The following CASKIN1 variants were observed in gnomAD, a reference collection of about 807,000 sequenced individuals.
CASKIN1 encodes CASK interacting protein 1, also known as caskin-1.
CASKIN1 carries 42 observed loss-of-function variants against 117.5 expected under a neutral mutation model. That is an observed-to-expected ratio of 0.36 (90% confidence interval 0.28 to 0.46). CASKIN1 has a LOEUF of 0.46. Among genes scored for constraint, CASKIN1 ranks in the 20% least tolerant of loss-of-function variants. The probability of loss-of-function intolerance (pLI) is 1.00; values close to 1 mark genes in which losing one functional copy is unlikely to be tolerated. For missense variants in CASKIN1, 2,083 were observed against 2,077.3 expected, an observed-to-expected ratio of 1.00 and a Z score of -0.05; for synonymous variants, 1,148 against 961.7, an observed-to-expected ratio of 1.19 and a Z score of -3.59.
In CASKIN1 at chr16:2,177,184, TTTC is replaced by T; in HGVS notation, c.*1363_*1365del. 4.1e-6 allele frequency: 1 copy of T among 244,904 alleles called. No individual in the cohort carries two copies. The highest frequency in any genetic ancestry group is 8.1e-6 in the Non-Finnish European group (1 of 123,628). 15.2% of individuals were successfully genotyped at this position (244,904 alleles called of 1,614,324 possible). A position where few individuals can be genotyped will look rare whatever the true frequency, so the allele number is the denominator to read the frequency against. On this transcript the variant is annotated 3_prime_UTR_variant, in exon 20 of 20. Transcript: ENST00000343516. ...CCAAAAAGTGAGCCAGGCACCTCTGTTTCCTGCTGTTTATTGACAGCCGACGGC... is the reference window on the plus strand; with the variant it reads ...CCAAAAAGTGAGCCAGGCACCTCTGTCTGCTGTTTATTGACAGCCGACGGC...
Position 2,179,917 on chromosome 16 carries a change from T to C in CASKIN1, c.3451A>G (p.Arg1151Gly). 1 of 1,605,546 alleles carries C rather than the reference T, an allele frequency of 6.2e-7. No homozygotes were observed. Among genetic ancestry groups the C allele is most frequent in the Non-Finnish European group, 8.5e-7 (1 of 1,176,554 alleles). Reference sequence around the variant, plus strand: ...GCCTCCCGCTCCTTGGCCTTGGGCCTGCGCTTGACCGTGTCAGACTCGGTC... The same window carrying C: ...GCCTCCCGCTCCTTGGCCTTGGGCCCGCGCTTGACCGTGTCAGACTCGGTC... ...ILTESDTVKRRPKAKEREAGP... is the reference protein window; with the variant it reads ...ILTESDTVKRGPKAKEREAGP... The change falls in exon 18 of 20, where the codon AGG becomes GGG. Residue 1151 changes from arginine to glycine, a missense_variant. Transcript: ENST00000343516. The surrounding 1 kb of genome is among the most constrained non-coding windows in gnomAD (Gnocchi z 5.8).
intron 1 of CASKIN1, among the ~76,000 whole-genome samples, chr16:2,193,931 C>T (rs560729386): frequency 6.1e-4 from 93 of 152,264 alleles, no homozygotes; most frequent in Non-Finnish European, 1.1e-3. Flanking sequence ...GAAACGGGTT[C>T]TCTGGATGAA....
chr16:2,180,429 C>T lies in CASKIN1; in HGVS notation c.2939G>A (p.Arg980Gln), dbSNP rs767065388. The change falls in exon 18 of 20, where the codon CGG becomes CAG. Residue 980 changes from arginine (R) to glutamine (Q), a missense_variant. Arg to Gln is a conservative substitution (Grantham distance 43). Transcript: ENST00000343516. ...AEPEDGLLGV[R>Q]AQCRRASDLA... ...GTCACTGGCCCGCCGGCACTGTGCC[C>T]GGACCCCCAGCAGGCCATCCTCAGG... is the stretch of plus-strand genomic sequence containing the variant. The T allele has an allele frequency of 3.3e-5, 52 of 1,568,006 alleles. No individual in the cohort carries two copies. The highest frequency in any genetic ancestry group is 1.7e-4 in the Middle Eastern group (1 of 5,980).
chr16:2,180,506 G>A lies in CASKIN1; in HGVS notation c.2862C>T (p.Ser954=). 2 of 1,550,658 alleles carry A rather than the reference G, an allele frequency of 1.3e-6. No homozygotes were observed. The highest frequency in any genetic ancestry group is 1.2e-5 in the South Asian group (1 of 85,484). ...GPPPPPPKRS[S]SALASANLAD... Reference sequence around the variant, plus strand: ...CCAGGTTGGCACTAGCCAGGGCCGAGCTGGAGCGCTTGGGTGGGGGCGGCG... The same window carrying A: ...CCAGGTTGGCACTAGCCAGGGCCGAACTGGAGCGCTTGGGTGGGGGCGGCG... The change falls in exon 18 of 20, where the codon AGC becomes AGT. Residue 954 remains serine (S), a synonymous_variant. Transcript: ENST00000343516.
At chr16:2,183,470 C>T (rs1324613988) in intron 16 of CASKIN1, among the ~76,000 whole-genome samples, 176 bp downstream of exon 16, 1 of 152,184 alleles carries the variant, frequency 6.6e-6, no homozygotes, top group Non-Finnish European at 1.5e-5. Context: ...CTTGCCCCTG[C>T]CCCAGTGACA....
At chr16:2,189,361 G>C in intron 4 of CASKIN1, 28 bp from the exon 5 acceptor site, 2 of 1,611,928 alleles carry the variant, frequency 1.2e-6, no homozygotes, top group Middle Eastern at 3.3e-4. Flanking sequence ...AGTCAGGTCC[G>C]CACATCCTCA....
In CASKIN1 at chr16:2,190,290, C is replaced by G. The variant is rs750911061; in HGVS notation, c.146+17G>C. The G allele has an allele frequency of 1.3e-6, 2 of 1,576,694 alleles. No homozygotes were observed. Among genetic ancestry groups the G allele is most frequent in the South Asian group, 2.3e-5 (2 of 87,108 alleles). On this transcript the variant is annotated intron_variant, in intron 2 of 19. Coordinates refer to ENST00000343516, the MANE Select transcript of CASKIN1 (RefSeq NM_020764.4). ...CACCCTCCCTTCCAGGCAGGCACCACCCGGCTCAGAACTCACCCATCCGGG... is the reference window on the plus strand; with the variant it reads ...CACCCTCCCTTCCAGGCAGGCACCAGCCGGCTCAGAACTCACCCATCCGGG...
chr16:2,190,035 C>CCCCCCA, intron 3 of CASKIN1, 38 bp downstream of exon 3: 1 of 1,561,986 alleles, frequency 6.4e-7, no homozygotes, highest in Non-Finnish European at 8.8e-7. Context: ...TCGCTGCCCC[C>CCCCCCA]GCCCCTGCCC....
In CASKIN1 at chr16:2,179,155, C is replaced by T. The variant is rs1376689037; in HGVS notation, c.3946G>A (p.Gly1316Ser). 9 of 1,078,492 alleles carry T rather than the reference C, an allele frequency of 8.3e-6. No homozygotes were observed. The African/African-American group carries it at 1.5e-4, about 18-fold the overall frequency. 66.8% of individuals were successfully genotyped at this position (1,078,492 alleles called of 1,614,324 possible). A position where few individuals can be genotyped will look rare whatever the true frequency, so the allele number is the denominator to read the frequency against. ...QPPAALAKPP[G>S]TPPSLGASPA... ...CTGGCGCCCAGCGAGGGCGGCGTAC[C>T]GGGCGGCTTGGCGAGGGCGGCGGGC... The change falls in exon 19 of 20, where the codon GGT (glycine) becomes AGT (serine). Residue 1316 changes from glycine (G) to serine (S), a missense_variant. Physicochemically the swap from Gly to Ser is moderately conservative, Grantham distance 56 (BLOSUM62 0). Coordinates refer to ENST00000343516, the MANE Select transcript of CASKIN1 (RefSeq NM_020764.4). This position sits in a 1 kb window ranked among gnomAD's most constrained non-coding sequence, Gnocchi z 5.8.
chr16:2,183,602 T>TCTGC, intron 16 of CASKIN1, 44 bp downstream of exon 16: 1 of 1,587,146 alleles, frequency 6.3e-7, no homozygotes, highest in Non-Finnish European at 8.6e-7. Flanking sequence ...TGTCTGTCTG[T>TCTGC]CTGCCCGTCC....
chr16:2,188,812 G>A (rs887881197), intron 6 of CASKIN1: 2 of 612,470 alleles, frequency 3.3e-6, no homozygotes, highest in African/African-American at 3.7e-5. Context: ...AGGAGCGGTG[G>A]GGCTGGGACA....
rs760908481 is a variant in CASKIN1, at chr16:2,178,903, G to A, written c.4198C>T (p.Arg1400Cys). 5.1e-5 allele frequency: 75 copies of A among 1,463,020 alleles called. No individual in the cohort carries two copies. Among genetic ancestry groups the A allele is most frequent in the Non-Finnish European group, 6.3e-5 (70 of 1,116,722 alleles). The allele number at this position is 1,463,020 out of a possible 1,614,324, so 90.6% of individuals were successfully genotyped here. The change falls in exon 19 of 20, where the codon CGC becomes TGC. Residue 1400 changes from arginine (R) to cysteine (C), a missense_variant and splice_region_variant. By Grantham distance (180) the Arg-to-Cys change is radical. Around this residue, in one of 3 missense-constraint regions of CASKIN1, gnomAD observed 1,818 missense variants for 1,688.9 expected, o/e 1.08. Coordinates refer to ENST00000343516, the MANE Select transcript of CASKIN1 (RefSeq NM_020764.4). Reference protein sequence around the residue: ...KIRQEDAQGPRDSAAEKSTGS... With the variant: ...KIRQEDAQGPCDSAAEKSTGS... ...CGCCAGGCCCCGCCCCGCACCTACC[G>A]CGGGCCCTGCGCGTCCTCCTGCCGG...
rs1279250898 is a variant in CASKIN1 at position 2,178,820 on chromosome 16, CGAGCCCCGCCCA to C, written c.4199+70_4199+81del. 5 of 1,332,344 alleles carry C rather than the reference CGAGCCCCGCCCA, an allele frequency of 3.8e-6. No homozygotes were observed. In the African/African-American group the frequency reaches 8.4e-5, roughly 22 times the overall value. The allele number at this position is 1,332,344 out of a possible 1,614,324, so 82.5% of individuals were successfully genotyped here. On this transcript the variant is annotated intron_variant, in intron 19 of 19. Transcript: ENST00000343516. Reference sequence around the variant, plus strand: ...TCTGCCGAGCCCCGCCCATCTCTGCCGAGCCCCGCCCATCTCTGCCGAGCCCCGCCCATCTCT... The same window carrying C: ...TCTGCCGAGCCCCGCCCATCTCTGCCTCTCTGCCGAGCCCCGCCCATCTCT...
At chr16:2,189,665 C>CCCCAGGGTTGGACT in intron 3 of CASKIN1, 101 bp from the exon 4 acceptor site, 1 of 1,212,286 alleles carries the variant, frequency 8.2e-7, no homozygotes, top group Non-Finnish European at 1.1e-6. Flanking sequence ...AAGTCCAACC[C>CCCCAGGGTTGGACT]TGGGGGGTGG....
intron 1 of CASKIN1, among the ~76,000 whole-genome samples, chr16:2,191,573 G>A (rs748379560): frequency 6.6e-5 from 10 of 152,182 alleles, no homozygotes; most frequent in African/African-American, 1.2e-4. Flanking sequence ...GGTGCATGGC[G>A]ATTACTAATA....
In CASKIN1 at chr16:2,196,228, G is replaced by C; in HGVS notation, c.94+111C>G. 3.7e-5 allele frequency: 9 copies of C among 245,160 alleles called. No individual in the cohort carries two copies. The highest frequency in any genetic ancestry group is 5.0e-5 in the Non-Finnish European group (7 of 139,548). The allele number at this position is 245,160 out of a possible 1,614,324, so 15.2% of individuals were successfully genotyped here. On this transcript the variant is annotated intron_variant, in intron 1 of 19. Coordinates refer to ENST00000343516, the MANE Select transcript of CASKIN1 (RefSeq NM_020764.4). The surrounding 1 kb of genome is among the most constrained non-coding windows in gnomAD (Gnocchi z 5.7). ...GTCTGGGCGCTGCTGGCCCCGCCCCGCCCCCGGGGACCCGACAACGTCCCC... is the reference window on the plus strand; with the variant it reads ...GTCTGGGCGCTGCTGGCCCCGCCCCCCCCCCGGGGACCCGACAACGTCCCC...
intron 1 of CASKIN1, among the ~76,000 whole-genome samples, chr16:2,194,367 C>T (rs763827431): frequency 1.4e-4 from 22 of 152,274 alleles, no homozygotes; most frequent in African/African-American, 3.4e-4. Context: ...TAAGTGTGTG[C>T]GTGCGGGCAC....
In CASKIN1 at chr16:2,180,118, A is replaced by C. The variant is rs751723858; in HGVS notation, c.3250T>G (p.Ser1084Ala). 5.6e-5 allele frequency: 86 copies of C among 1,549,190 alleles called. 1 individual carries two copies. In the South Asian group the frequency reaches 1.0e-3, roughly 18 times the overall value. Residue 1084 changes from serine (S) to alanine (A), a missense_variant, in exon 18 of 20, where the codon TCG (serine) becomes GCG (alanine). Ser to Ala is a moderately conservative substitution (Grantham distance 99, BLOSUM62 1). Around this residue, in one of 3 missense-constraint regions of CASKIN1, gnomAD observed 1,818 missense variants for 1,688.9 expected, o/e 1.08. Transcript: ENST00000343516. ...LATARRGPGE[S>A]ADPGPFVEDG... ...TCCACAAAGGGGCCTGGGTCTGCCG[A>C]CTCCCCAGGCCCCCGGCGGGCAGTG...
At chr16:2,191,803 G>A (rs544858456) in intron 1 of CASKIN1, among the ~76,000 whole-genome samples, 20 of 152,318 alleles carry the variant, frequency 1.3e-4, no homozygotes, top group Admixed American at 5.2e-4. Context: ...TAGCTTGTCC[G>A]TCAGCTCTGC....
Sources: allele counts gnomAD v4.1 joint callset (sites outside exome capture counted in the v4.1 genomes callset), GRCh38; gene constraint gnomAD v4.1.1; regional missense constraint gnomAD v4.1.1; non-coding constraint Gnocchi (gnomAD v3.1); transcripts MANE v1.5; gene names NCBI Gene and HGNC (gene_info 2026-07-23, HGNC 2026-07-21).